ANKRD36C: variants seen among roughly 807,000 people sequenced by gnomAD.
ANKRD36C encodes ankyrin repeat domain 36C.
ANKRD36C carries 61 observed loss-of-function variants against 276.4 expected under a neutral mutation model. The observed-to-expected ratio is 0.22, with a 90% CI of 0.18 to 0.27. The LOEUF (loss-of-function observed/expected upper bound fraction) is 0.27, where lower values mean the gene tolerates loss of function less well. Ranked by LOEUF, ANKRD36C falls within the 10% of genes least tolerant of loss-of-function variation. ANKRD36C has a pLI of 1.00. For missense variants in ANKRD36C, 1,447 were observed against 2,032.3 expected (o/e 0.71, Z 5.54); for synonymous variants, 483 against 680.1 (o/e 0.71, Z 4.51).
At position 95,950,787 on chromosome 2, in the gene ANKRD36C, A is replaced by G. The variant is rs1449334188; in HGVS notation, c.1265-8T>C. The G allele has an allele frequency of 1.2e-5, 18 of 1,534,688 alleles. No homozygotes were observed. In the Admixed American group the frequency reaches 3.6e-4, roughly 30 times the overall value. Reference sequence around the variant, plus strand: ...CTTCAACAGGAGGAAGCACTATTAAAGAAAAAGTAAAATGCATTTTAAATC... The same window carrying G: ...CTTCAACAGGAGGAAGCACTATTAAGGAAAAAGTAAAATGCATTTTAAATC... On this transcript the variant is annotated splice_polypyrimidine_tract_variant and splice_region_variant and intron_variant, in intron 15 of 66. Transcript: ENST00000456556.
In ANKRD36C at chr2:95,857,392, C is replaced by G. The variant is rs766092475; in HGVS notation, c.3997G>C (p.Glu1333Gln). The change falls in exon 62 of 67, where the codon GAA (glutamate) becomes CAA (glutamine). Residue 1333 changes from glutamate to glutamine, a missense_variant. Physicochemically the swap from Glu to Gln is conservative, Grantham distance 29. Transcript: ENST00000456556. ...TTAATTGGTTTTGTCACATCAGCTT[C>G]TATCCTATATTGCTCTTCTGTGATT... The G allele has an allele frequency of 1.1e-5, 17 of 1,610,132 alleles. No individual in the cohort carries two copies. In the African/African-American group the frequency reaches 2.1e-4, roughly 20 times the overall value.
At chr2:95,954,266 T>C (rs1289731243) in intron 13 of ANKRD36C, among the ~76,000 whole-genome samples, 1 of 152,148 alleles carries the variant, frequency 6.6e-6, no homozygotes, top group Non-Finnish European at 1.5e-5. Flanking sequence ...CTTAAACCCA[T>C]CACAAATAGT....
intron 59 of ANKRD36C, among the ~76,000 whole-genome samples, chr2:95,870,077 G>C (rs1675771042): frequency 6.6e-6 from 1 of 152,228 alleles, no homozygotes; most frequent in Non-Finnish European, 1.5e-5. Context: ...CTCCACCTCT[G>C]GGGGCAGGGC....
intron 34 of ANKRD36C, 31 bp from the exon 37 acceptor site, chr2:95,918,073 ATG>A: frequency 6.3e-7 from 1 of 1,590,616 alleles, no homozygotes; most frequent in South Asian, 1.1e-5. Context: ...ATAATCACTC[ATG>A]TGTAAATATG....
At chr2:95,965,807 A>T (rs949746902) in intron 6 of ANKRD36C, among the ~76,000 whole-genome samples, 1 of 152,132 alleles carries the variant, frequency 6.6e-6, no homozygotes, top group African/African-American at 2.4e-5. Flanking sequence ...CTGATTTTAC[A>T]AAGACCAAGT....
In ANKRD36C at chr2:95,980,797, G is replaced by A. The variant is rs749299754; in HGVS notation, c.594-12C>T. 1 of 1,567,794 alleles carries A rather than the reference G, an allele frequency of 6.4e-7. No individual in the cohort carries two copies. Among genetic ancestry groups the A allele is most frequent in the Admixed American group, 1.9e-5 (1 of 52,360 alleles). On this transcript the variant is annotated splice_polypyrimidine_tract_variant and intron_variant, in intron 4 of 66. Coordinates refer to ENST00000456556, the Ensembl canonical transcript of ANKRD36C. The stretch of plus-strand genomic sequence containing the variant: ...GTATGAGGGCTGATCTAAAATAACA[G>A]AGAGGTAATTAAAAACTTTAATGAC...
intron 1 of ANKRD36C, among the ~76,000 whole-genome samples, chr2:95,988,545 A>G (rs943506324): frequency 1.3e-5 from 2 of 152,330 alleles, no homozygotes; most frequent in African/African-American, 4.8e-5. Context: ...TGTCTGCTAC[A>G]TAATAGGTAT....
intron 34 of ANKRD36C, among the ~76,000 whole-genome samples, chr2:95,918,670 A>G (rs1440966166): frequency 6.6e-6 from 1 of 151,674 alleles, no homozygotes; most frequent in Non-Finnish European, 1.5e-5. Flanking sequence ...CCACTAGTTT[A>G]TCCCTCCAAA....
chr2:95,941,079 C>G, intron 20 of ANKRD36C, 81 bp downstream of exon 20: 1 of 475,652 alleles, frequency 2.1e-6, no homozygotes, highest in Non-Finnish European at 3.2e-6. Flanking sequence ...ACTACCTCAC[C>G]ACCTTTGTTT....
At chr2:95,949,517 C>A (rs531904827) in intron 16 of ANKRD36C, among the ~76,000 whole-genome samples, 2 of 152,380 alleles carry the variant, frequency 1.3e-5, no homozygotes, top group South Asian at 4.1e-4. Flanking sequence ...CTGTCCCCTG[C>A]AAATTCCATT....
At chr2:95,892,905 T>A (rs1676416739) in intron 44 of ANKRD36C, among the ~76,000 whole-genome samples, 2 of 151,262 alleles carry the variant, frequency 1.3e-5, no homozygotes, top group Non-Finnish European at 3.0e-5. Flanking sequence ...AGTGTGTTTT[T>A]ATGCCAATTC....
Position 95,897,397 on chromosome 2 carries a change from T to C in ANKRD36C, c.2755+1748A>G, listed in dbSNP as rs754262366. 9.7e-6 allele frequency: 15 copies of C among 1,546,744 alleles called. No individual in the cohort carries two copies. In the East Asian group the frequency reaches 2.9e-4, roughly 30 times the overall value. On this transcript the variant is annotated intron_variant, in intron 44 of 66. Coordinates refer to ENST00000456556, the Ensembl canonical transcript of ANKRD36C. ...TTAATAAAGTATGTTTCATAGACTATACATTTACTAGTTCACAATATAAAT... is the reference window on the plus strand; with the variant it reads ...TTAATAAAGTATGTTTCATAGACTACACATTTACTAGTTCACAATATAAAT...
chr2:95,880,776 G>C (rs753477613), intron 56 of ANKRD36C, among the ~76,000 whole-genome samples, 153 bp from the exon 77 acceptor site: 35 of 152,100 alleles, frequency 2.3e-4, no homozygotes, highest in Non-Finnish European at 3.7e-4. Context: ...ACAGTAATAT[G>C]ATAGAAATGC....
At chr2:95,883,245 C>T (rs1676127770) in intron 54 of ANKRD36C, among the ~76,000 whole-genome samples, 1 of 152,030 alleles carries the variant, frequency 6.6e-6, no homozygotes, top group African/African-American at 2.4e-5. Context: ...TTGCTACAAG[C>T]ATTAGATATG....
intron 13 of ANKRD36C, among the ~76,000 whole-genome samples, chr2:95,956,324 T>A (rs373407631): frequency 5.3e-5 from 8 of 151,140 alleles, no homozygotes; most frequent in Admixed American, 6.6e-5. Flanking sequence ...TGGTTACCAC[T>A]GCCATTTCCA....
At chr2:95,910,051 T>C (rs1254414893) in intron 42 of ANKRD36C, among the ~76,000 whole-genome samples, 2 of 151,280 alleles carry the variant, frequency 1.3e-5, no homozygotes, top group Non-Finnish European at 3.0e-5. Context: ...ATACTTCCTC[T>C]CTTTCTCCTT....
intron 42 of ANKRD36C, among the ~76,000 whole-genome samples, chr2:95,907,879 T>C (rs947493667): frequency 6.7e-6 from 1 of 148,520 alleles, no homozygotes; most frequent in African/African-American, 2.5e-5. Flanking sequence ...GTATTCCAAT[T>C]ATACCATTGT....
chr2:95,911,703 G>A (rs1676931241), intron 42 of ANKRD36C, among the ~76,000 whole-genome samples: 2 of 151,446 alleles, frequency 1.3e-5, no homozygotes, highest in Admixed American at 1.3e-4. Flanking sequence ...AAATGCATCT[G>A]AAGTGAGTTC....
intron 59 of ANKRD36C, chr2:95,876,041 C>T (rs1675945742): frequency 2.5e-6 from 1 of 405,326 alleles, no homozygotes; most frequent in Admixed American, 2.9e-5. Flanking sequence ...AAAAAAACTG[C>T]AAAGTTTGAA....
Sources: allele counts gnomAD v4.1 joint callset (sites outside exome capture counted in the v4.1 genomes callset), GRCh38; gene constraint gnomAD v4.1.1; transcripts MANE v1.5; gene names NCBI Gene and HGNC (gene_info 2026-07-23, HGNC 2026-07-21).